Variants in DNAJC7 observed in about 807,000 individuals in gnomAD.
DNAJC7 encodes dnaJ homolog subfamily C member 7.
DNAJC7 carries 18 observed loss-of-function variants against 67.4 expected under a neutral mutation model. The ratio of observed to expected loss-of-function variants is 0.27; its 90% confidence interval spans 0.18 to 0.40. The LOEUF (loss-of-function observed/expected upper bound fraction) is 0.40, where lower values mean the gene tolerates loss of function less well. Ranked by LOEUF, DNAJC7 falls within the 10% of genes least tolerant of loss-of-function variation. The pLI is 1.00. For synonymous variants in DNAJC7, 220 were observed against 207.8 expected (o/e 1.06, Z -0.50); for missense variants, 419 against 613.8 (o/e 0.68, Z 3.35).
At chr17:42,000,362 T>C in intron 2 of DNAJC7, 120 bp downstream of exon 2, 1 of 623,390 alleles carries the variant, frequency 1.6e-6, no homozygotes, top group Non-Finnish European at 2.7e-6. Context: ...AAAGTGATCC[T>C]CCTGCTTTGG....
intron 1 of DNAJC7, chr17:42,001,038 C>G (rs904659527): frequency 3.3e-5 from 5 of 152,356 alleles, no homozygotes; most frequent in Admixed American, 1.3e-4. Context: ...ATAATTTCAC[C>G]TCCTGAAAAG....
intron 1 of DNAJC7, among the ~76,000 whole-genome samples, chr17:42,010,208 G>T (rs558725483): frequency 5.9e-4 from 89 of 151,904 alleles, no homozygotes; most frequent in African/African-American, 2.1e-3. Flanking sequence ...CCTAGGCCGG[G>T]TGCAGTGGCT....
At chr17:42,006,796 CAAAAAAA>C (rs57155070) in intron 1 of DNAJC7, among the ~76,000 whole-genome samples, 1 of 23,322 alleles carries the variant, frequency 4.3e-5, no homozygotes, top group Non-Finnish European at 6.7e-5. Context: ...GACTCCGTCT[CAAAAAAA>C]AAAAAAAAAA....
rs951085916 is a variant in DNAJC7, at chr17:41,982,267, T to A, written c.1219A>T (p.Met407Leu). The A allele has an allele frequency of 2.5e-6, 4 of 1,613,898 alleles. No individual in the cohort carries two copies. The Admixed American group carries it at 5.0e-5, about 20-fold the overall frequency. The change falls in exon 11 of 14, where the codon ATG becomes TTG. Residue 407 changes from methionine to leucine, a missense_variant. Coordinates refer to ENST00000457167, the MANE Select transcript of DNAJC7 (RefSeq NM_003315.4). ...GCACCTACTCTACCTGGATGGTGCATCAAGGCCCGTTTCCGATAAGCTTTC... is the reference window on the plus strand; with the variant it reads ...GCACCTACTCTACCTGGATGGTGCAACAAGGCCCGTTTCCGATAAGCTTTC... ...IKKAYRKRALMHHPDRHSGAS... is the reference protein window; with the variant it reads ...IKKAYRKRALLHHPDRHSGAS...
intron 1 of DNAJC7, among the ~76,000 whole-genome samples, chr17:42,006,831 T>C (rs1272315685): frequency 2.1e-5 from 2 of 97,444 alleles, no homozygotes; most frequent in Non-Finnish European, 4.0e-5. Flanking sequence ...CCAGGCACGG[T>C]GGCTCACGCC....
chr17:41,978,441 C>T (rs2051149363), intron 12 of DNAJC7, among the ~76,000 whole-genome samples: 1 of 152,224 alleles, frequency 6.6e-6, no homozygotes, highest in Non-Finnish European at 1.5e-5. Flanking sequence ...CTGTGCCCTC[C>T]AATCCTTTCC....
chr17:41,978,797 G>A (rs900059433), intron 12 of DNAJC7, among the ~76,000 whole-genome samples: 1 of 151,940 alleles, frequency 6.6e-6, no homozygotes, highest in East Asian at 1.9e-4. Context: ...GGAGAATGGC[G>A]TGAACCCGGG....
Position 41,988,685 on chromosome 17 carries a change from C to T in DNAJC7, c.918+47G>A, listed in dbSNP as rs534955651. 4.5e-6 allele frequency: 7 copies of T among 1,539,664 alleles called. No individual in the cohort carries two copies. In the African/African-American group the frequency reaches 9.9e-5, roughly 22 times the overall value. ...AGATTTCCCAAGACCCTTTGATGTC[C>T]CTTAAAAATATTTCTATAGGCCCCA... On this transcript the variant is annotated intron_variant, in intron 8 of 13. Coordinates refer to ENST00000457167, the MANE Select transcript of DNAJC7 (RefSeq NM_003315.4).
Position 42,017,408 on chromosome 17 carries a change from A to T in DNAJC7, c.9T>A (p.Ala3=), listed in dbSNP as rs1436789678. 1.9e-6 allele frequency: 3 copies of T among 1,608,052 alleles called. No individual in the cohort carries two copies. The highest frequency in any genetic ancestry group is 2.5e-6 in the Non-Finnish European group (3 of 1,179,848). The change falls in exon 1 of 14, where the codon GCT becomes GCA. Residue 3 remains alanine, a synonymous_variant. Coordinates refer to ENST00000457167, the MANE Select transcript of DNAJC7 (RefSeq NM_003315.4). The part of the protein sequence containing the change: MA[A]AAECDVVMAA... ...CCATTACCACATCGCACTCCGCGGCAGCCGCCATCTTACCGCCGGGACCAG... is the reference window on the plus strand; with the variant it reads ...CCATTACCACATCGCACTCCGCGGCTGCCGCCATCTTACCGCCGGGACCAG...
intron 12 of DNAJC7, among the ~76,000 whole-genome samples, chr17:41,978,821 A>G (rs2051163645): frequency 6.6e-6 from 1 of 152,000 alleles, no homozygotes; most frequent in South Asian, 2.1e-4. Context: ...CGGAGCTTGC[A>G]GTGAGCAGAG....
At chr17:41,998,892 A>G (rs2051730280) in intron 2 of DNAJC7, among the ~76,000 whole-genome samples, 1 of 152,156 alleles carries the variant, frequency 6.6e-6, no homozygotes. Context: ...CCCAGTTAGA[A>G]GAAGTTATCA....
At chr17:41,993,287 G>C (rs7216930) in intron 5 of DNAJC7, among the ~76,000 whole-genome samples, 1 of 151,574 alleles carries the variant, frequency 6.6e-6, no homozygotes, top group Non-Finnish European at 1.5e-5. Context: ...GTGAAACCCT[G>C]TCTCTACTAA....
chr17:42,009,768 C>T (rs560987741), intron 1 of DNAJC7, among the ~76,000 whole-genome samples: 2 of 152,310 alleles, frequency 1.3e-5, no homozygotes, highest in South Asian at 2.1e-4. Context: ...TTCCATCCCT[C>T]GGTTCCCTAT....
At chr17:41,987,288 T>C (rs1171025061) in intron 9 of DNAJC7, 2 of 152,170 alleles carry the variant, frequency 1.3e-5, no homozygotes, top group African/African-American at 2.4e-5. Context: ...TCCAGGGTGT[T>C]TCAAAAGGAA....
rs1598117799 is a variant in DNAJC7 at position 41,982,517 on chromosome 17, CGG to C, written c.1085-118_1085-117del. On this transcript the variant is annotated intron_variant, in intron 10 of 13. Transcript: ENST00000457167. ...TTGTTAACCATGCCAGGGACTTTTA[CGG>C]TGCTTTCTTCTGGAGATTAGAAAAA... is the stretch of plus-strand genomic sequence containing the variant. 1.1e-4 allele frequency: 146 copies of C among 1,341,466 alleles called. No homozygotes were observed. The East Asian group carries it at 3.4e-3, about 31-fold the overall frequency. 83.1% of individuals were successfully genotyped at this position (1,341,466 alleles called of 1,614,324 possible). A position where few individuals can be genotyped will look rare whatever the true frequency, so the allele number is the denominator to read the frequency against.
At chr17:41,982,458 A>G in intron 10 of DNAJC7, 57 bp from the exon 11 acceptor site, 1 of 1,596,226 alleles carries the variant, frequency 6.3e-7, no homozygotes, top group Non-Finnish European at 8.5e-7. Flanking sequence ...TTTCCTCACC[A>G]GGTCTCAGCC....
At chr17:41,977,076 C>A in intron 13 of DNAJC7, 185 bp downstream of exon 13, 1 of 694,766 alleles carries the variant, frequency 1.4e-6, no homozygotes, top group Non-Finnish European at 2.4e-6. Flanking sequence ...GGTCCCAAGG[C>A]AAGGGGTGCC....
intron 1 of DNAJC7, among the ~76,000 whole-genome samples, chr17:42,004,240 C>T (rs1351374732): frequency 1.3e-5 from 2 of 152,132 alleles, no homozygotes; most frequent in African/African-American, 4.8e-5. Flanking sequence ...TTAAAGGCGT[C>T]AGCCACCACG....
In DNAJC7 at chr17:41,980,734, T is replaced by A. The variant is rs564540021; in HGVS notation, c.1384+1121A>T. 2.7e-4 allele frequency among the ~76,000 whole-genome samples: 41 copies of A among 152,338 alleles called. No homozygotes were observed. The South Asian group carries it at 8.3e-3, about 31-fold the overall frequency. On this transcript the variant is annotated intron_variant, in intron 12 of 13. Coordinates refer to ENST00000457167, the MANE Select transcript of DNAJC7 (RefSeq NM_003315.4). Reference sequence around the variant, plus strand: ...GCCTCTTATCTCTGACAGCCCACAGTGAGCAACAATATTGACAATAGGTGT... The same window carrying A: ...GCCTCTTATCTCTGACAGCCCACAGAGAGCAACAATATTGACAATAGGTGT...
Sources: gnomAD v4.1 joint callset for allele counts (sites outside exome capture counted in the v4.1 genomes callset) on GRCh38, gnomAD v4.1.1 for gene constraint, MANE v1.5 for transcripts, NCBI Gene and HGNC (gene_info 2026-07-23, HGNC 2026-07-21) for gene names.